The following INTS4 variants were observed in gnomAD, a reference collection of about 807,000 sequenced individuals.
The protein encoded by INTS4 is integrator complex subunit 4.
Under a neutral mutation model 119.5 loss-of-function variants are expected in INTS4, and 70 were observed. The ratio of observed to expected loss-of-function variants is 0.59; its 90% CI spans 0.48 to 0.71. The LOEUF (loss-of-function observed/expected upper bound fraction) is 0.71, where lower values mean the gene tolerates loss of function less well. Among genes scored for constraint, INTS4 ranks in the 30% least tolerant of loss-of-function variants. The pLI is 0.00. For missense variants in INTS4, 867 were observed against 1,173.2 expected (o/e 0.74, Z 3.81); for synonymous variants, 316 against 419.6 (o/e 0.75, Z 3.02).
intron 8 of INTS4, 50 bp downstream of exon 8, chr11:77,955,892 G>T (rs1386939801): frequency 2.0e-6 from 3 of 1,528,518 alleles, no homozygotes; most frequent in African/African-American, 1.4e-5. Flanking sequence ...CTACAGAAAA[G>T]AAAATAAATA....
intron 10 of INTS4, among the ~76,000 whole-genome samples, chr11:77,934,741 T>G (rs1953749171): frequency 6.6e-6 from 1 of 152,232 alleles, no homozygotes; most frequent in East Asian, 1.9e-4. Context: ...TGGACTTCCT[T>G]ATTATCCAAT....
chr11:77,908,597 G>T (rs542367146), intron 15 of INTS4, among the ~76,000 whole-genome samples: 1 of 152,228 alleles, frequency 6.6e-6, no homozygotes, highest in East Asian at 1.9e-4. Flanking sequence ...ATAGTGCTGG[G>T]ATTACAGGCG....
At position 77,988,636 on chromosome 11, in the gene INTS4, C is replaced by T. The variant is rs1250664258; in HGVS notation, c.246+2472G>A. On this transcript the variant is annotated intron_variant, in intron 2 of 22. Transcript: ENST00000534064. Reference sequence around the variant, plus strand: ...AGGGTAAAGGAAGACCTCAATGTAACGGTGACATTTGCATGCTGATAGCTG... The same window carrying T: ...AGGGTAAAGGAAGACCTCAATGTAATGGTGACATTTGCATGCTGATAGCTG... Among the ~76,000 whole-genome samples, 6 of 152,238 alleles carry T rather than the reference C, an allele frequency of 3.9e-5. No individual in the cohort carries two copies. The South Asian group carries it at 6.2e-4, about 16-fold the overall frequency.
intron 8 of INTS4, among the ~76,000 whole-genome samples, chr11:77,951,332 A>G (rs576875349): frequency 6.6e-6 from 1 of 152,330 alleles, no homozygotes; most frequent in East Asian, 1.9e-4. Flanking sequence ...CCAATGGAAC[A>G]GAACAGAACC....
intron 8 of INTS4, among the ~76,000 whole-genome samples, chr11:77,941,473 T>C (rs1490560647): frequency 2.0e-5 from 3 of 151,220 alleles, no homozygotes; most frequent in Non-Finnish European, 2.9e-5. Flanking sequence ...TTTTTTTTTT[T>C]CTTTCCTGAG....
chr11:77,939,341 T>C, intron 9 of INTS4, among the ~76,000 whole-genome samples: 1 of 152,158 alleles, frequency 6.6e-6, no homozygotes, highest in East Asian at 1.9e-4. Flanking sequence ...CTGGGCGTGG[T>C]GGCACATGCC....
intron 12 of INTS4, among the ~76,000 whole-genome samples, chr11:77,923,273 T>C (rs1213869792): frequency 7.5e-6 from 1 of 133,762 alleles, no homozygotes; most frequent in East Asian, 2.2e-4. Context: ...GCCAATATTA[T>C]GCCAATGCAC....
intron 2 of INTS4, among the ~76,000 whole-genome samples, chr11:77,989,845 G>A (rs1232494329): frequency 6.6e-6 from 1 of 152,118 alleles, no homozygotes; most frequent in Non-Finnish European, 1.5e-5. Flanking sequence ...GGTACAGTGA[G>A]CCGTGATAGC....
intron 4 of INTS4, among the ~76,000 whole-genome samples, chr11:77,977,357 CACAT>C (rs1351153285): frequency 6.6e-6 from 1 of 151,638 alleles, no homozygotes; most frequent in African/African-American, 2.4e-5. Context: ...ATTTATAAAA[CACAT>C]ACAAGAAAAA....
At chr11:77,906,586 G>A (rs1235837045) in intron 16 of INTS4, among the ~76,000 whole-genome samples, 1 of 152,170 alleles carries the variant, frequency 6.6e-6, no homozygotes, top group Non-Finnish European at 1.5e-5. Context: ...AATGTTCTAC[G>A]ACTTGCCTAT....
intron 9 of INTS4, among the ~76,000 whole-genome samples, chr11:77,939,844 CAAACAAAAAAAAA>C (rs1953887238): frequency 7.5e-6 from 1 of 133,156 alleles, no homozygotes; most frequent in Non-Finnish European, 1.6e-5. Flanking sequence ...GACCCTGTCT[CAAACAAAAAAAAA>C]AAACAAAACA....
chr11:77,900,801 A>C, intron 18 of INTS4: 1 of 594,638 alleles, frequency 1.7e-6, no homozygotes, highest in South Asian at 2.1e-5. Context: ...AGTTATCTGA[A>C]AGTCTTACAG....
intron 8 of INTS4, among the ~76,000 whole-genome samples, chr11:77,950,593 G>T (rs1368544684): frequency 1.3e-5 from 2 of 152,124 alleles, no homozygotes; most frequent in Non-Finnish European, 2.9e-5. Context: ...GCTGTTGAAA[G>T]TTCATGACAA....
At chr11:77,994,287 T>C (rs1247775825) in intron 1 of INTS4, among the ~76,000 whole-genome samples, 1 of 152,150 alleles carries the variant, frequency 6.6e-6, no homozygotes, top group Non-Finnish European at 1.5e-5. Context: ...ACGAGGATGC[T>C]AATGTAACGC....
intron 19 of INTS4, among the ~76,000 whole-genome samples, chr11:77,893,060 G>A (rs1399525531): frequency 1.3e-5 from 2 of 152,164 alleles, no homozygotes; most frequent in African/African-American, 2.4e-5. Context: ...GACAATGAGC[G>A]GAAGAAATGA....
intron 13 of INTS4, among the ~76,000 whole-genome samples, chr11:77,922,114 G>A (rs1953376342): frequency 6.6e-6 from 1 of 151,640 alleles, no homozygotes; most frequent in Non-Finnish European, 1.5e-5. Context: ...TATAATCCCA[G>A]CTACTCAGGA....
intron 15 of INTS4, among the ~76,000 whole-genome samples, chr11:77,916,390 T>A (rs1953205386): frequency 6.6e-6 from 1 of 152,178 alleles, no homozygotes; most frequent in Non-Finnish European, 1.5e-5. Context: ...CTAAAGACTG[T>A]AGGCAACTGT....
chr11:77,931,805 T>G (rs955076554), intron 10 of INTS4, among the ~76,000 whole-genome samples: 2 of 152,176 alleles, frequency 1.3e-5, no homozygotes, highest in Non-Finnish European at 2.9e-5. Flanking sequence ...AACCATCTGA[T>G]CTTTCACAAA....
chr11:77,913,553 C>T (rs1286887895), intron 15 of INTS4, among the ~76,000 whole-genome samples: 2 of 152,112 alleles, frequency 1.3e-5, no homozygotes, highest in African/African-American at 4.8e-5. Context: ...GCTCGTGATC[C>T]GCCCACCTTG....
Sources: allele counts gnomAD v4.1 joint callset (sites outside exome capture counted in the v4.1 genomes callset), GRCh38; gene constraint gnomAD v4.1.1; transcripts MANE v1.5; gene names NCBI Gene and HGNC (gene_info 2026-07-23, HGNC 2026-07-21).